The following USP22 variants were observed in gnomAD, a reference collection of about 807,000 sequenced individuals.
USP22 encodes the protein ubiquitin carboxyl-terminal hydrolase 22.
Under a neutral mutation model 68.1 loss-of-function variants are expected in USP22, and 22 were observed. The ratio of observed to expected loss-of-function variants is 0.32; its 90% CI spans 0.23 to 0.46. The LOEUF (loss-of-function observed/expected upper bound fraction) is 0.46, where lower values mean the gene tolerates loss of function less well. Ranked by LOEUF, USP22 falls within the 20% of genes least tolerant of loss-of-function variation. The pLI is 1.00. For missense variants in USP22, 433 were observed against 695.8 expected, an observed-to-expected ratio of 0.62 and a Z score of 4.25; for synonymous variants, 279 against 274.2, an observed-to-expected ratio of 1.02 and a Z score of -0.17.
chr17:21,008,017 C>A (rs752111602), intron 8 of USP22, 21 bp from the exon 9 acceptor site: 1 of 1,612,156 alleles, frequency 6.2e-7, no homozygotes, highest in Non-Finnish European at 8.5e-7. Context: ...TCAAAAAAGA[C>A]AGGAGCGGTA....
At chr17:21,037,318 T>C (rs1286366679) in intron 1 of USP22, among the ~76,000 whole-genome samples, 1 of 152,236 alleles carries the variant, frequency 6.6e-6, no homozygotes, top group African/African-American at 2.4e-5. Context: ...AGAGTACCTA[T>C]GCAGAGTGAC....
intron 1 of USP22, among the ~76,000 whole-genome samples, chr17:21,034,799 C>G (rs538507404): frequency 3.3e-5 from 5 of 152,300 alleles, no homozygotes; most frequent in African/African-American, 1.2e-4. Flanking sequence ...CCATAAAGGG[C>G]TTCTTTTACG....
intron 8 of USP22, among the ~76,000 whole-genome samples, chr17:21,010,468 C>T (rs1313187461): frequency 1.3e-5 from 2 of 151,942 alleles, no homozygotes; most frequent in South Asian, 2.1e-4. Context: ...CCTGATATCA[C>T]GAGTTCGAGA....
At position 21,011,974 on chromosome 17, in the gene USP22, G is replaced by A. The variant is rs139826890; in HGVS notation, c.945-665C>T. On this transcript the variant is annotated intron_variant, in intron 7 of 12. Coordinates refer to ENST00000261497, the MANE Select transcript of USP22 (RefSeq NM_015276.2). ...AATACTCAGAGACAAGGCCCCAAAC[G>A]GTCTATGCTCCTTATAGAAAATGGC... Among the ~76,000 whole-genome samples, 8 of 152,242 alleles carry A rather than the reference G, an allele frequency of 5.3e-5. No homozygotes were observed. The East Asian group carries it at 1.4e-3, about 26-fold the overall frequency.
intron 10 of USP22, among the ~76,000 whole-genome samples, chr17:21,006,234 T>C (rs1418503645): frequency 2.0e-5 from 3 of 152,218 alleles, no homozygotes; most frequent in Non-Finnish European, 4.4e-5. Flanking sequence ...TACCCCAGAA[T>C]AGGCAGATTT....
rs527467403 is a variant in USP22 at position 21,042,787 on chromosome 17, C to T, written c.49G>A (p.Ala17Thr). ...PEGEAMDAEL[A>T]VAPPGCSHLG... ...TGCGAGCAGCCCGGCGGCGCTACCG[C>T]CAGCTCGGCGTCCATGGCCTCGCCC... The change falls in exon 1 of 13, where the codon GCG (alanine) becomes ACG (threonine). Residue 17 changes from alanine (A) to threonine (T), a missense_variant. This residue lies in a region of USP22 where 110 missense variants were observed against 89.9 expected (regional missense o/e 1.22). Transcript: ENST00000261497. The T allele has an allele frequency of 2.7e-6, 4 of 1,486,986 alleles. No homozygotes were observed. In the East Asian group the frequency reaches 1.1e-4, roughly 41 times the overall value. 92.1% of individuals were successfully genotyped at this position (1,486,986 alleles called of 1,614,324 possible). A position where few individuals can be genotyped will look rare whatever the true frequency, so the allele number is the denominator to read the frequency against.
At chr17:21,010,310 T>C (rs945914022) in intron 8 of USP22, among the ~76,000 whole-genome samples, 1 of 152,236 alleles carries the variant, frequency 6.6e-6, no homozygotes, top group African/African-American at 2.4e-5. Flanking sequence ...ACAAAGGCTA[T>C]AAAATAATAG....
At chr17:21,007,746 C>T (rs2143524588) in intron 9 of USP22, 124 bp downstream of exon 9, 12 of 1,245,838 alleles carry the variant, frequency 9.6e-6, no homozygotes, top group Middle Eastern at 2.0e-4. Context: ...CTCCCTTCCT[C>T]GGTGTTCTTC....
intron 2 of USP22, among the ~76,000 whole-genome samples, chr17:21,023,864 T>G (rs1972188488): frequency 1.3e-5 from 2 of 152,188 alleles, no homozygotes; most frequent in Non-Finnish European, 2.9e-5. Flanking sequence ...ACGGTACTAG[T>G]GCTTCCCAGA....
chr17:21,042,561 G>T, intron 1 of USP22, 104 bp downstream of exon 1: 1 of 1,156,534 alleles, frequency 8.6e-7, no homozygotes. Flanking sequence ...ACAGGGAAAG[G>T]CAACGGGGGA....
Position 21,007,927 on chromosome 17 carries a change from C to T in USP22, c.1173G>A (p.Glu391=), listed in dbSNP as rs1361934096. 1 of 1,614,178 alleles carries T rather than the reference C, an allele frequency of 6.2e-7. No individual in the cohort carries two copies. The highest frequency in any genetic ancestry group is 1.7e-5 in the Admixed American group (1 of 60,018). The part of the protein sequence containing the change: ...IKCSGCHSYQ[E]STKQLTMKKL... ...TCTTCATAGTGAGCTGCTTTGTGGA[C>T]TCCTGGTAGCTATGGCAACCGCTGC... The change falls in exon 9 of 13, where the codon GAG becomes GAA. Residue 391 remains glutamate, a synonymous_variant. Transcript: ENST00000261497.
rs1484029827 is a variant in USP22, at chr17:21,042,755, G to A, written c.81C>T (p.Gly27=). The A allele has an allele frequency of 2.0e-6, 3 of 1,498,834 alleles. No homozygotes were observed. The highest frequency in any genetic ancestry group is 2.7e-6 in the Non-Finnish European group (3 of 1,125,736). 92.8% of individuals were successfully genotyped at this position (1,498,834 alleles called of 1,614,324 possible). The stretch of plus-strand genomic sequence containing the variant: ...GCTTCCAGTTGTCCACCTTGAAGCT[G>A]CCCAGGTGCGAGCAGCCCGGCGGCG... ...AVAPPGCSHL[G]SFKVDNWKQN... The change falls in exon 1 of 13, where the codon GGC becomes GGT. Residue 27 remains glycine, a synonymous_variant. Coordinates refer to ENST00000261497, the MANE Select transcript of USP22 (RefSeq NM_015276.2).
At chr17:21,016,348 T>G (rs749041287) in intron 5 of USP22, among the ~76,000 whole-genome samples, 2 of 152,232 alleles carry the variant, frequency 1.3e-5, no homozygotes, top group Non-Finnish European at 2.9e-5. Context: ...GGCAATTAGC[T>G]GAGGGCTTGC....
intron 7 of USP22, among the ~76,000 whole-genome samples, chr17:21,012,264 A>C (rs1345985533): frequency 6.6e-6 from 1 of 151,902 alleles, no homozygotes; most frequent in Non-Finnish European, 1.5e-5. Context: ...TGCCTGAAAA[A>C]AACAAAAACA....
At chr17:21,009,605 T>C (rs572412419) in intron 8 of USP22, among the ~76,000 whole-genome samples, 1 of 152,332 alleles carries the variant, frequency 6.6e-6, no homozygotes, top group African/African-American at 2.4e-5. Flanking sequence ...GGCAAAGCTT[T>C]CATTTTATTG....
chr17:21,005,093 G>A, intron 10 of USP22, 103 bp from the exon 11 acceptor site: 2 of 1,318,010 alleles, frequency 1.5e-6, no homozygotes, highest in Admixed American at 1.8e-5. Flanking sequence ...CCATGCAGAT[G>A]CTGCACCGAG....
At chr17:21,011,515 G>A (rs1159081979) in intron 7 of USP22, 2 of 599,730 alleles carry the variant, frequency 3.3e-6, no homozygotes. Flanking sequence ...AGGGGTGTGT[G>A]TGAACTCGGA....
chr17:21,030,577 G>A (rs891896265), intron 1 of USP22, among the ~76,000 whole-genome samples: 1 of 152,250 alleles, frequency 6.6e-6, no homozygotes, highest in East Asian at 1.9e-4. Flanking sequence ...GCAGGCAAGT[G>A]CAGAGAACAA....
chr17:21,026,277 C>A (rs570603420), intron 2 of USP22, among the ~76,000 whole-genome samples: 111 of 152,282 alleles, frequency 7.3e-4, no homozygotes, highest in African/African-American at 2.6e-3. Context: ...ACAGCTGGAT[C>A]ATAAACACAT....
Sources: allele counts gnomAD v4.1 joint callset (sites outside exome capture counted in the v4.1 genomes callset), GRCh38; gene constraint gnomAD v4.1.1; regional missense constraint gnomAD v4.1.1; transcripts MANE v1.5; gene names NCBI Gene and HGNC (gene_info 2026-07-23, HGNC 2026-07-21).